SGCD: variants seen among roughly 807,000 people sequenced by gnomAD.
SGCD encodes the protein sarcoglycan delta, also known as delta-sarcoglycan.
SGCD carries 18 observed loss-of-function variants against 36.6 expected under a neutral mutation model. The observed-to-expected ratio is 0.49, with a 90% confidence interval of 0.34 to 0.73. The LOEUF is 0.73. Among genes scored for constraint, SGCD ranks in the 30% least tolerant of loss-of-function variants. The pLI, the probability that SGCD is intolerant of heterozygous loss-of-function variation, is 0.01. For synonymous variants in SGCD, 133 were observed against 130.6 expected (o/e 1.02, Z -0.12); for missense variants, 387 against 346.7 (o/e 1.12, Z -0.92).
intron 1 of SGCD, among the ~76,000 whole-genome samples, chr5:156,007,698 G>A (rs1222252661): frequency 1.3e-5 from 2 of 152,166 alleles, no homozygotes; most frequent in East Asian, 1.9e-4. Context: ...AGTAGGTGGG[G>A]GATGGCAGAG....
At chr5:156,721,297 G>C (rs868399868) in intron 7 of SGCD, among the ~76,000 whole-genome samples, 1 of 152,148 alleles carries the variant, frequency 6.6e-6, no homozygotes, top group Non-Finnish European at 1.5e-5. Flanking sequence ...TCACCTAGGA[G>C]GTAAGTATTG....
At chr5:155,852,957 C>T in the SGCD span, among the ~76,000 whole-genome samples, 8 of 152,132 alleles carry the variant, frequency 5.3e-5, no homozygotes, top group East Asian at 3.9e-4. Context: ...CATTTTTGTA[C>T]GAATTGGGAC....
chr5:155,826,833 G>C, the SGCD span, among the ~76,000 whole-genome samples: 1 of 152,194 alleles, frequency 6.6e-6, no homozygotes, highest in African/African-American at 2.4e-5. Flanking sequence ...CTGAATGAAT[G>C]AGTAATACAT....
chr5:156,296,293 G>A lies in SGCD; in HGVS notation c.-43-33241G>A, dbSNP rs575106613. The stretch of plus-strand genomic sequence containing the variant: ...TATCAATCACCTTGAGGAACTGGAA[G>A]GAGGCAGAGAACTAGAGACGGTGTC... On this transcript the variant is annotated intron_variant, in intron 3 of 9. Coordinates refer to the SGCD transcript ENST00000517913. 3.3e-5 allele frequency among the ~76,000 whole-genome samples: 5 copies of A among 152,320 alleles called. No individual in the cohort carries two copies. In the South Asian group the frequency reaches 1.0e-3, roughly 32 times the overall value.
intron 3 of SGCD, among the ~76,000 whole-genome samples, chr5:156,245,261 A>G (rs1024099671): frequency 1.3e-5 from 2 of 152,188 alleles, no homozygotes; most frequent in Non-Finnish European, 2.9e-5. Flanking sequence ...ATGGTGATAA[A>G]TAAAGGAAGT....
chr5:155,967,093 T>TC (rs936078037), intron 1 of SGCD, among the ~76,000 whole-genome samples: 5 of 152,028 alleles, frequency 3.3e-5, no homozygotes, highest in East Asian at 3.9e-4. Flanking sequence ...GCATTTTTTT[T>TC]CCGAAGCATT....
chr5:155,998,872 T>C (rs534181676), intron 1 of SGCD, among the ~76,000 whole-genome samples: 4 of 152,326 alleles, frequency 2.6e-5, no homozygotes, highest in African/African-American at 9.6e-5. Flanking sequence ...AGACATTCTT[T>C]GTTAGATTTT....
intron 3 of SGCD, among the ~76,000 whole-genome samples, chr5:156,264,212 G>A (rs1415288688): frequency 6.6e-6 from 1 of 152,030 alleles, no homozygotes; most frequent in African/African-American, 2.4e-5. Context: ...ATAAAGTCAG[G>A]AATCATAAGA....
intron 1 of SGCD, among the ~76,000 whole-genome samples, chr5:156,075,935 G>A (rs1011627243): frequency 6.6e-6 from 1 of 152,122 alleles, no homozygotes; most frequent in African/African-American, 2.4e-5. Flanking sequence ...AGGCTTTGGG[G>A]CTTCCACACA....
intron 1 of SGCD, among the ~76,000 whole-genome samples, chr5:155,952,690 C>T (rs535838524): frequency 9.2e-5 from 14 of 152,298 alleles, no homozygotes; most frequent in African/African-American, 2.6e-4. Context: ...CCACCGTCAG[C>T]CCCTAAAGAT....
At chr5:156,465,007 G>T (rs531613237) in intron 3 of SGCD, among the ~76,000 whole-genome samples, 1 of 152,170 alleles carries the variant, frequency 6.6e-6, no homozygotes, top group African/African-American at 2.4e-5. Context: ...AGCTCTCTTA[G>T]AAGCAAATTT....
intron 3 of SGCD, among the ~76,000 whole-genome samples, chr5:156,144,172 AT>A (rs879750455): frequency 3.3e-5 from 5 of 152,048 alleles, no homozygotes; most frequent in Admixed American, 3.3e-4. Flanking sequence ...AGTCTTTGCT[AT>A]TGTGAATAGT....
chr5:156,661,883 G>A (rs896279110), intron 7 of SGCD, among the ~76,000 whole-genome samples: 9 of 151,790 alleles, frequency 5.9e-5, no homozygotes, highest in Non-Finnish European at 1.2e-4. Flanking sequence ...TTTGATCCAA[G>A]TACAATGTAA....
chr5:156,700,994 G>A (rs1450089159), intron 7 of SGCD, among the ~76,000 whole-genome samples: 3 of 149,612 alleles, frequency 2.0e-5, no homozygotes, highest in Admixed American at 6.7e-5. Flanking sequence ...TCCTTAACTT[G>A]CATATCTCCC....
chr5:155,934,181 G>A (rs1307192217), intron 1 of SGCD, among the ~76,000 whole-genome samples: 2 of 152,206 alleles, frequency 1.3e-5, no homozygotes, highest in Non-Finnish European at 2.9e-5. Flanking sequence ...ACCAACTCAT[G>A]GTAGAGAATG....
At chr5:155,772,815 T>TC in the SGCD span, among the ~76,000 whole-genome samples, 3 of 152,128 alleles carry the variant, frequency 2.0e-5, no homozygotes, top group African/African-American at 7.2e-5. Context: ...TGTCCCAACT[T>TC]CCTACTAACC....
At chr5:156,511,420 C>T (rs904129381) in intron 4 of SGCD, among the ~76,000 whole-genome samples, 17 of 152,194 alleles carry the variant, frequency 1.1e-4, no homozygotes, top group African/African-American at 3.9e-4. Flanking sequence ...CTTTTAGCTT[C>T]ATTATACAAA....
chr5:155,752,531 A>T, the SGCD span, among the ~76,000 whole-genome samples: 1 of 150,878 alleles, frequency 6.6e-6, no homozygotes, highest in Non-Finnish European at 1.5e-5. Flanking sequence ...TCTTTCTTTA[A>T]CTCTCCACTC....
chr5:156,319,787 A>G (rs550093107), intron 3 of SGCD, among the ~76,000 whole-genome samples: 82 of 152,334 alleles, frequency 5.4e-4, no homozygotes, highest in African/African-American at 1.9e-3. Context: ...CATACAAGTA[A>G]TGAAAAGGTT....
Sources: allele counts gnomAD v4.1 joint callset (sites outside exome capture counted in the v4.1 genomes callset), GRCh38; gene constraint gnomAD v4.1.1; transcripts MANE v1.5; gene names NCBI Gene and HGNC (gene_info 2026-07-23, HGNC 2026-07-21).